The following ZEB2 variants were observed in gnomAD, a reference collection of about 807,000 sequenced individuals.
ZEB2 encodes zinc finger E-box binding homeobox 2.
ZEB2 carries 6 observed loss-of-function variants against 99.9 expected under a neutral mutation model. The ratio of observed to expected loss-of-function variants is 0.06; its 90% CI spans 0.03 to 0.12. The LOEUF (loss-of-function observed/expected upper bound fraction) is 0.12, where lower values mean the gene tolerates loss of function less well. Ranked by LOEUF, ZEB2 falls within the 10% of genes least tolerant of loss-of-function variation. ZEB2 has a pLI of 1.00. For missense variants in ZEB2, 969 were observed against 1,502.8 expected (o/e 0.64, Z 5.87); for synonymous variants, 517 against 542.5 (o/e 0.95, Z 0.65).
intron 2 of ZEB2, among the ~76,000 whole-genome samples, chr2:144,484,028 C>T (rs1704556655): frequency 6.6e-6 from 1 of 151,920 alleles, no homozygotes; most frequent in Non-Finnish European, 1.5e-5. Flanking sequence ...GAATTGGGGT[C>T]CCACACTCAA....
At chr2:144,488,142 C>CAA (rs1704625906) in intron 2 of ZEB2, among the ~76,000 whole-genome samples, 1 of 152,172 alleles carries the variant, frequency 6.6e-6, no homozygotes, top group Admixed American at 6.5e-5. Flanking sequence ...CACAGCATAC[C>CAA]AATCAATGCT....
intron 2 of ZEB2, among the ~76,000 whole-genome samples, chr2:144,455,971 T>C (rs1704117027): frequency 6.6e-6 from 1 of 152,144 alleles, no homozygotes; most frequent in Admixed American, 6.6e-5. Flanking sequence ...CTTAACCAAA[T>C]ACTCTTCTTT....
chr2:144,505,909 C>G (rs960001789), intron 2 of ZEB2, among the ~76,000 whole-genome samples: 1 of 152,116 alleles, frequency 6.6e-6, no homozygotes, highest in African/African-American at 2.4e-5. Context: ...ATATTGTAAA[C>G]ACTAGTTTAA....
At chr2:144,391,593 C>T (rs1264378701) in intron 9 of ZEB2, among the ~76,000 whole-genome samples, 2 of 152,154 alleles carry the variant, frequency 1.3e-5, no homozygotes, top group Non-Finnish European at 2.9e-5. Context: ...AGATAGCATG[C>T]TTTTCCATTT....
intron 2 of ZEB2, among the ~76,000 whole-genome samples, chr2:144,472,214 A>G (rs372055393): frequency 3.4e-4 from 51 of 152,150 alleles, no homozygotes; most frequent in African/African-American, 1.1e-3. Context: ...CATCATCATC[A>G]TCATCATCAT....
chr2:144,404,771 G>T, intron 5 of ZEB2, 65 bp downstream of exon 5: 1 of 1,559,156 alleles, frequency 6.4e-7, no homozygotes, highest in South Asian at 1.1e-5. Flanking sequence ...CAGGCATGTA[G>T]TGCATTTGTA....
intron 2 of ZEB2, chr2:144,511,866 T>C (rs968632422): frequency 3.1e-6 from 4 of 1,287,126 alleles, no homozygotes; most frequent in South Asian, 1.2e-5. Flanking sequence ...TCTGAATTAT[T>C]TTTTTCAACC....
At chr2:144,429,663 A>G in intron 3 of ZEB2, 106 bp downstream of exon 3, 3 of 1,574,816 alleles carry the variant, frequency 1.9e-6, no homozygotes, top group Non-Finnish European at 1.7e-6. Flanking sequence ...GCTCAATGGA[A>G]AGAAATATTT....
intron 2 of ZEB2, chr2:144,461,105 T>TC (rs1560633792): frequency 1.3e-5 from 2 of 150,990 alleles, no homozygotes; most frequent in Non-Finnish European, 3.0e-5. Flanking sequence ...TTTTCTTTTT[T>TC]TTTTTTATCA....
intron 2 of ZEB2, among the ~76,000 whole-genome samples, chr2:144,454,786 G>A (rs767552328): frequency 6.6e-6 from 1 of 152,056 alleles, no homozygotes; most frequent in African/African-American, 2.4e-5. Flanking sequence ...TTTGAACCCA[G>A]GATTTTCAAA....
intron 5 of ZEB2, among the ~76,000 whole-genome samples, 164 bp from the exon 6 acceptor site, chr2:144,404,294 T>A (rs1469434831): frequency 6.8e-6 from 1 of 146,252 alleles, no homozygotes; most frequent in African/African-American, 2.5e-5. Context: ...TCCCCTCGCA[T>A]GCCCAGGACA....
chr2:144,497,036 C>T (rs192022077), intron 2 of ZEB2, among the ~76,000 whole-genome samples: 1 of 152,208 alleles, frequency 6.6e-6, no homozygotes. Flanking sequence ...GTGTTTCAGA[C>T]ATCTCAGTTG....
chr2:144,430,563 TC>T (rs1703757024), intron 2 of ZEB2: 1 of 180,190 alleles, frequency 5.5e-6, no homozygotes, highest in Non-Finnish European at 1.3e-5. Context: ...TTTCACTCTT[TC>T]TTCTATGTCA....
chr2:144,516,099 G>A (rs1051395804), intron 2 of ZEB2: 1 of 152,204 alleles, frequency 6.6e-6, no homozygotes, highest in Admixed American at 6.5e-5. Context: ...CCGGGTGATC[G>A]GGCTGAGAGC....
At chr2:144,466,015 G>A (rs1483467055) in intron 2 of ZEB2, among the ~76,000 whole-genome samples, 1 of 152,090 alleles carries the variant, frequency 6.6e-6, no homozygotes, top group African/African-American at 2.4e-5. Context: ...GTGGATCAAC[G>A]GACTGAAAAT....
chr2:144,413,496 C>T (rs919294168), intron 4 of ZEB2, among the ~76,000 whole-genome samples: 3 of 152,276 alleles, frequency 2.0e-5, no homozygotes, highest in Admixed American at 6.5e-5. Flanking sequence ...TCTCACCTGC[C>T]AAGCACTACT....
chr2:144,437,243 C>A (rs759150418), intron 2 of ZEB2, among the ~76,000 whole-genome samples: 5 of 152,120 alleles, frequency 3.3e-5, no homozygotes, highest in Non-Finnish European at 7.4e-5. Context: ...CCTTTGATGG[C>A]TAAAAAGTCT....
intron 2 of ZEB2, among the ~76,000 whole-genome samples, chr2:144,449,194 G>A (rs1376640889): frequency 6.6e-6 from 1 of 152,154 alleles, no homozygotes; most frequent in African/African-American, 2.4e-5. Context: ...AGAAACCTGA[G>A]AATGAACTTC....
At chr2:144,503,483 C>T (rs1191274871) in intron 2 of ZEB2, among the ~76,000 whole-genome samples, 1 of 152,120 alleles carries the variant, frequency 6.6e-6, no homozygotes, top group Non-Finnish European at 1.5e-5. Context: ...ATACACAGAG[C>T]TAGAAAACGG....
Sources: gnomAD v4.1 joint callset for allele counts (sites outside exome capture counted in the v4.1 genomes callset) on GRCh38, gnomAD v4.1.1 for gene constraint, MANE v1.5 for transcripts, NCBI Gene and HGNC (gene_info 2026-07-23, HGNC 2026-07-21) for gene names.